The following AKAP19 variants were observed in gnomAD, a reference collection of about 807,000 sequenced individuals.
AKAP19 encodes the protein A-kinase anchoring protein 19.
At chr2:190,114,518 C>A in the AKAP19 span, among the ~76,000 whole-genome samples, 1 of 152,196 alleles carries the variant, frequency 6.6e-6, no homozygotes, top group Non-Finnish European at 1.5e-5. Flanking sequence ...TCCAGTGGCG[C>A]GATCTCGGCT....
At chr2:189,957,610 A>C in the AKAP19 span, among the ~76,000 whole-genome samples, 1 of 152,220 alleles carries the variant, frequency 6.6e-6, no homozygotes, top group African/African-American at 2.4e-5. Flanking sequence ...AGATATTATT[A>C]TATGATAGAA....
the AKAP19 span, among the ~76,000 whole-genome samples, chr2:189,945,869 A>G: frequency 1.3e-5 from 2 of 152,206 alleles, no homozygotes; most frequent in Non-Finnish European, 2.9e-5. Context: ...ATTGCTCTAC[A>G]TATATGTCTG....
the AKAP19 span, among the ~76,000 whole-genome samples, chr2:190,172,242 C>G: frequency 8.5e-5 from 13 of 152,144 alleles, no homozygotes; most frequent in Admixed American, 2.6e-4. Context: ...TTTCATTGAC[C>G]TCCTGTTATT....
chr2:189,978,830 T>C, the AKAP19 span, among the ~76,000 whole-genome samples: 34 of 152,100 alleles, frequency 2.2e-4, 1 homozygote, highest in South Asian at 6.7e-3. Context: ...ATCTCACTTA[T>C]ACTAGCCAAA....
At chr2:190,149,233 G>C in the AKAP19 span, among the ~76,000 whole-genome samples, 2 of 152,080 alleles carry the variant, frequency 1.3e-5, no homozygotes, top group Non-Finnish European at 2.9e-5. Context: ...AAAGTGCTGG[G>C]ATTACAGGCA....
the AKAP19 span, among the ~76,000 whole-genome samples, chr2:190,000,662 G>T: frequency 6.6e-6 from 1 of 152,126 alleles, no homozygotes; most frequent in Non-Finnish European, 1.5e-5. Flanking sequence ...AGAATTTTTG[G>T]TTGACTTTTT....
the AKAP19 span, among the ~76,000 whole-genome samples, chr2:189,991,343 T>A: frequency 3.9e-5 from 6 of 152,198 alleles, no homozygotes; most frequent in Non-Finnish European, 8.8e-5. Flanking sequence ...TTTTACCATA[T>A]CCACTGCAAC....
the AKAP19 span, among the ~76,000 whole-genome samples, chr2:190,034,894 A>G: frequency 6.7e-6 from 1 of 149,748 alleles, no homozygotes; most frequent in Non-Finnish European, 1.5e-5. Flanking sequence ...AAAAAATGCT[A>G]ATTATGGAAA....
the AKAP19 span, among the ~76,000 whole-genome samples, chr2:190,015,955 C>T: frequency 6.6e-6 from 1 of 152,224 alleles, no homozygotes; most frequent in Non-Finnish European, 1.5e-5. Flanking sequence ...AGAAGTCCCT[C>T]ATCTCCATCT....
chr2:189,948,235 G>A, the AKAP19 span, among the ~76,000 whole-genome samples: 2 of 152,222 alleles, frequency 1.3e-5, no homozygotes, highest in Non-Finnish European at 2.9e-5. Context: ...TAACTTCTTA[G>A]AGGGTCAAAA....
chr2:189,892,281 G>A, the AKAP19 span, among the ~76,000 whole-genome samples: 8 of 152,022 alleles, frequency 5.3e-5, no homozygotes, highest in Admixed American at 2.6e-4. Flanking sequence ...CCTTGCTGGC[G>A]AGGAGTTGTG....
the AKAP19 span, among the ~76,000 whole-genome samples, chr2:190,033,610 G>A: frequency 6.6e-6 from 1 of 152,162 alleles, no homozygotes; most frequent in African/African-American, 2.4e-5. Context: ...AAACTGAGCA[G>A]TTCCTAGACT....
chr2:190,075,362 T>TGTTATTGCATGTGTTTCTTTACCCTG, the AKAP19 span, among the ~76,000 whole-genome samples: 2 of 152,304 alleles, frequency 1.3e-5, no homozygotes, highest in Admixed American at 1.3e-4. Context: ...TGTGTTCAGT[T>TGTTATTGCATGTGTTTCTTTACCCTG]GTTATTGCAT....
At chr2:189,899,838 T>C in the AKAP19 span, among the ~76,000 whole-genome samples, 1 of 152,204 alleles carries the variant, frequency 6.6e-6, no homozygotes, top group African/African-American at 2.4e-5. Context: ...TTTAGATTAA[T>C]TCATGAATTG....
At chr2:190,157,077 G>T in the AKAP19 span, among the ~76,000 whole-genome samples, 3 of 151,880 alleles carry the variant, frequency 2.0e-5, no homozygotes, top group African/African-American at 4.8e-5. Flanking sequence ...AAATCAATTC[G>T]GTTCTTATTA....
chr2:190,089,826 A>C, the AKAP19 span, among the ~76,000 whole-genome samples: 1 of 152,176 alleles, frequency 6.6e-6, no homozygotes, highest in Non-Finnish European at 1.5e-5. Context: ...AGGACTCTTG[A>C]GGACTATGAT....
chr2:190,159,997 T>C, the AKAP19 span, among the ~76,000 whole-genome samples: 1 of 152,224 alleles, frequency 6.6e-6, no homozygotes, highest in South Asian at 2.1e-4. Flanking sequence ...TACTTTCTTT[T>C]AGTATTTCAG....
chr2:190,135,555 T>G, the AKAP19 span, among the ~76,000 whole-genome samples: 4 of 152,092 alleles, frequency 2.6e-5, no homozygotes, highest in African/African-American at 9.6e-5. Flanking sequence ...TGGAAGGAAC[T>G]CATAATAAGG....
chr2:190,171,697 C>T, the AKAP19 span, among the ~76,000 whole-genome samples: 1 of 152,194 alleles, frequency 6.6e-6, no homozygotes, highest in Non-Finnish European at 1.5e-5. Flanking sequence ...ATTCAATGGA[C>T]AGTGTTTCCA....
Sources: gnomAD v4.1 joint callset for allele counts (sites outside exome capture counted in the v4.1 genomes callset) on GRCh38, gnomAD v4.1.1 for gene constraint, MANE v1.5 for transcripts, NCBI Gene and HGNC (gene_info 2026-07-23, HGNC 2026-07-21) for gene names.